VWF: variants seen among roughly 807,000 people sequenced by gnomAD.
The protein encoded by VWF is Factor VIII related antigen.
A neutral mutation model predicts 308.6 loss-of-function variants in VWF; 176 were observed. The ratio of observed to expected loss-of-function variants is 0.57; its 90% CI spans 0.50 to 0.65. The LOEUF (loss-of-function observed/expected upper bound fraction) is 0.65, where lower values mean the gene tolerates loss of function less well. Ranked by LOEUF, VWF falls within the 30% of genes least tolerant of loss-of-function variation. The probability of loss-of-function intolerance (pLI) is 0.00; values close to 1 mark genes in which losing one functional copy is unlikely to be tolerated. For synonymous variants in VWF, 1,385 were observed against 1,443.4 expected, an observed-to-expected ratio of 0.96 and a Z score of 0.92; for missense variants, 3,146 against 3,648.2, an observed-to-expected ratio of 0.86 and a Z score of 3.55.
Position 6,019,633 on chromosome 12 carries a change from ATG to A in VWF, c.3783_3784del (p.Ile1262LeufsTer30), listed in dbSNP as rs1944107977. 1 of 1,613,804 alleles carries A rather than the reference ATG, an allele frequency of 6.2e-7. No individual in the cohort carries two copies. Among genetic ancestry groups the A allele is most frequent in the Non-Finnish European group, 8.5e-7 (1 of 1,179,854 alleles). On this transcript the variant is annotated frameshift_variant, in exon 28 of 52. Coordinates refer to ENST00000261405, the MANE Select transcript of VWF (RefSeq NM_000552.5). LOFTEE classifies it high-confidence loss of function. The surrounding 1 kb of genome is among the most constrained non-coding windows in gnomAD (Gnocchi z 5.8). ...GAAATCGTGCAACGGCGGTTCCGAG[ATG>A]TCCTCCACATACAGAGTGGTGGGGC...
intron 47 of VWF, among the ~76,000 whole-genome samples, chr12:5,957,287 T>C (rs1591830389): frequency 6.6e-6 from 1 of 152,134 alleles, no homozygotes; most frequent in Admixed American, 6.5e-5. Flanking sequence ...CATATCCCCA[T>C]TGTTAAGCAA....
At chr12:6,094,863 C>T (rs1020695851) in intron 6 of VWF, among the ~76,000 whole-genome samples, 1 of 150,072 alleles carries the variant, frequency 6.7e-6, no homozygotes, top group Non-Finnish European at 1.5e-5. Flanking sequence ...TAGGCACATG[C>T]CACCATGCCC....
At chr12:6,094,735 CAG>C (rs936213527) in intron 6 of VWF, among the ~76,000 whole-genome samples, 7 of 151,942 alleles carry the variant, frequency 4.6e-5, no homozygotes, top group Admixed American at 2.0e-4. Flanking sequence ...TTAATTGAGA[CAG>C]AGTCTGGCTC....
rs1479217146 is a variant in VWF at position 6,063,098 on chromosome 12, A to G, written c.1433-44T>C. ...GGACTCAGGCAGAGGTGGGGAGAGG[A>G]CAGGGTGGTGGCAGGCAGATGTATT... On this transcript the variant is annotated intron_variant, in intron 12 of 51. Transcript: ENST00000261405. This position sits in a 1 kb window ranked among gnomAD's most constrained non-coding sequence, Gnocchi z 4.9. The G allele has an allele frequency of 1.3e-6, 2 of 1,539,128 alleles. No individual in the cohort carries two copies. The highest frequency in any genetic ancestry group is 1.8e-6 in the Non-Finnish European group (2 of 1,116,594).
At chr12:5,974,099 T>C (rs1468502649) in intron 43 of VWF, among the ~76,000 whole-genome samples, 1 of 152,112 alleles carries the variant, frequency 6.6e-6, no homozygotes, top group African/African-American at 2.4e-5. Context: ...TGTCACAACC[T>C]AGACAACACA....
intron 40 of VWF, among the ~76,000 whole-genome samples, chr12:5,983,485 A>T (rs897548762): frequency 4.7e-5 from 7 of 149,324 alleles, no homozygotes; most frequent in African/African-American, 1.7e-4. Context: ...AGATACATAC[A>T]TACATACATA....
chr12:5,973,443 T>G (rs759751955), intron 43 of VWF, among the ~76,000 whole-genome samples: 6 of 152,224 alleles, frequency 3.9e-5, no homozygotes, highest in Non-Finnish European at 5.9e-5. Flanking sequence ...TTGCTATAAC[T>G]GAAATGGAGG....
chr12:6,017,568 G>C (rs1040650354), intron 28 of VWF, among the ~76,000 whole-genome samples: 2 of 152,200 alleles, frequency 1.3e-5, no homozygotes, highest in African/African-American at 4.8e-5. Context: ...ACTAGGAATG[G>C]ATTAGACGCC....
chr12:6,123,749 A>G (rs1445316081), intron 1 of VWF, among the ~76,000 whole-genome samples: 2 of 152,148 alleles, frequency 1.3e-5, no homozygotes, highest in Non-Finnish European at 2.9e-5. Flanking sequence ...CAAGATGCTT[A>G]GCACCCAGGA....
chr12:6,012,703 AT>A (rs148790795), intron 32 of VWF, among the ~76,000 whole-genome samples: 11,471 of 130,642 alleles, frequency 0.088, 453 homozygotes, highest in South Asian at 0.13. Context: ...GTGTGTGTGT[AT>A]TTTTTTTTTT....
chr12:6,014,390 G>A (rs1944034367), intron 31 of VWF, among the ~76,000 whole-genome samples: 1 of 152,226 alleles, frequency 6.6e-6, no homozygotes, highest in South Asian at 2.1e-4. Flanking sequence ...GGGGACAAAG[G>A]TGGAAGCTGG....
At chr12:6,094,452 T>C (rs1464535746) in intron 6 of VWF, among the ~76,000 whole-genome samples, 1 of 152,222 alleles carries the variant, frequency 6.6e-6, no homozygotes, top group African/African-American at 2.4e-5. Context: ...TCGGTAAAAT[T>C]TCAGACACCT....
rs899640414 is a variant in VWF, at chr12:6,054,960, C to T, written c.1945+1897G>A. ...CTGCCTTGGGTACAAAGGGACAGCCCAAGGCCATCTGGTCAGCCCAGTCTC... is the reference window on the plus strand; with the variant it reads ...CTGCCTTGGGTACAAAGGGACAGCCTAAGGCCATCTGGTCAGCCCAGTCTC... On this transcript the variant is annotated intron_variant, in intron 15 of 51. Transcript: ENST00000261405. Among the ~76,000 whole-genome samples the T allele has an allele frequency of 2.6e-5, 4 of 152,176 alleles. No individual in the cohort carries two copies. In the South Asian group the frequency reaches 8.3e-4, roughly 32 times the overall value.
intron 38 of VWF, among the ~76,000 whole-genome samples, chr12:5,987,629 TAC>T (rs904107863): frequency 2.0e-5 from 3 of 152,186 alleles, no homozygotes; most frequent in African/African-American, 7.2e-5. Context: ...TAAATTGTGA[TAC>T]ACACACACCG....
chr12:5,969,509 G>T, intron 44 of VWF, 118 bp from the exon 45 acceptor site: 1 of 1,241,534 alleles, frequency 8.1e-7, no homozygotes, highest in Non-Finnish European at 1.1e-6. Context: ...GGCTTAACAT[G>T]TAAGTCCCAC....
At chr12:5,977,252 G>C (rs1943542817) in intron 42 of VWF, among the ~76,000 whole-genome samples, 1 of 152,178 alleles carries the variant, frequency 6.6e-6, no homozygotes, top group African/African-American at 2.4e-5. Context: ...AAGACACACT[G>C]GCAAGACCAC....
At chr12:6,064,193 C>G in intron 12 of VWF, 53 bp downstream of exon 12, 1 of 1,613,630 alleles carries the variant, frequency 6.2e-7, no homozygotes, top group Non-Finnish European at 8.5e-7. Flanking sequence ...AAGGAGGGTG[C>G]TAAGGGATGG....
intron 36 of VWF, 37 bp from the exon 37 acceptor site, chr12:5,994,240 G>T: frequency 6.2e-7 from 1 of 1,611,572 alleles, no homozygotes; most frequent in Non-Finnish European, 8.5e-7. Flanking sequence ...GATAAACTGA[G>T]TGGCCCTGGG....
At chr12:6,111,095 G>T in intron 3 of VWF, 127 bp from the exon 4 acceptor site, 1 of 801,090 alleles carries the variant, frequency 1.2e-6, no homozygotes, top group Non-Finnish European at 2.1e-6. Context: ...TTACAAGCGA[G>T]CAACAAAAAT....
Sources: allele counts gnomAD v4.1 joint callset (sites outside exome capture counted in the v4.1 genomes callset), GRCh38; gene constraint gnomAD v4.1.1; non-coding constraint Gnocchi (gnomAD v3.1); transcripts MANE v1.5; gene names NCBI Gene and HGNC (gene_info 2026-07-23, HGNC 2026-07-21).